The following RBFOX1 variants were observed in gnomAD, a reference collection of about 807,000 sequenced individuals.
RBFOX1 encodes RNA binding protein fox-1 homolog 1.
RBFOX1 carries 8 observed loss-of-function variants against 57.7 expected under a neutral mutation model. That is an observed-to-expected ratio of 0.14 (90% CI 0.08 to 0.25). RBFOX1 has a LOEUF of 0.25. RBFOX1 is among the 10% of genes least tolerant of loss of function. RBFOX1 has a pLI of 1.00. For synonymous variants in RBFOX1, 326 were observed against 222.4 expected (o/e 1.47, Z -4.15); for missense variants, 611 against 548.5 (o/e 1.11, Z -1.14).
intron 3 of RBFOX1, among the ~76,000 whole-genome samples, chr16:6,912,926 T>G (rs2072076140): frequency 6.6e-6 from 1 of 152,050 alleles, no homozygotes; most frequent in East Asian, 1.9e-4. Flanking sequence ...AGCCTAGAGC[T>G]CCTTGTTTTT....
rs75791535 is a variant in RBFOX1, at chr16:7,382,623, G to C, written c.28-135524G>C. ...GACTGATTAATGCGCAAGATGGCAAGAACAGTGTTTTTCATAGTTAAAAGG... is the reference window on the plus strand; with the variant it reads ...GACTGATTAATGCGCAAGATGGCAACAACAGTGTTTTTCATAGTTAAAAGG... On this transcript the variant is annotated intron_variant, in intron 4 of 15. Transcript: ENST00000550418. 4.5e-3 allele frequency among the ~76,000 whole-genome samples: 688 copies of C among 152,286 alleles called. 1 individual carries two copies. Among genetic ancestry groups the C allele is most frequent in the African/African-American group, 0.016 (661 of 41,546 alleles).
chr16:6,450,962 A>G (rs1017466405), intron 2 of RBFOX1, among the ~76,000 whole-genome samples: 3 of 145,764 alleles, frequency 2.1e-5, no homozygotes, highest in Non-Finnish European at 3.0e-5. Context: ...GATAGCATCA[A>G]TGAGAAAAAT....
At chr16:6,660,632 A>C (rs1165670320) in intron 3 of RBFOX1, among the ~76,000 whole-genome samples, 1 of 152,142 alleles carries the variant, frequency 6.6e-6, no homozygotes, top group Non-Finnish European at 1.5e-5. Context: ...ATATATCTTC[A>C]TCTGCTTATC....
intron 1 of RBFOX1, among the ~76,000 whole-genome samples, chr16:6,192,338 C>T (rs1424024844): frequency 6.6e-6 from 1 of 152,048 alleles, no homozygotes; most frequent in Admixed American, 6.5e-5. Context: ...TAGAGATGGG[C>T]TTGGCATTTT....
intron 3 of RBFOX1, among the ~76,000 whole-genome samples, chr16:6,817,429 C>T (rs1011160429): frequency 5.0e-4 from 76 of 151,498 alleles, no homozygotes; most frequent in African/African-American, 1.7e-3. Context: ...CGCAGTGGCT[C>T]ATGCCTGTAA....
chr16:6,775,750 G>A (rs1313046711), intron 3 of RBFOX1: 5 of 152,128 alleles, frequency 3.3e-5, no homozygotes, highest in Non-Finnish European at 7.3e-5. Context: ...CCAGCAAACG[G>A]GTGACAGTGA....
At chr16:5,576,721 C>A (rs1054842878) in intron 2 of RBFOX1, among the ~76,000 whole-genome samples, 1 of 152,186 alleles carries the variant, frequency 6.6e-6, no homozygotes, top group Non-Finnish European at 1.5e-5. Flanking sequence ...TCATCAAAGC[C>A]CATTTCTTAA....
At chr16:5,440,362 C>A (rs1400440716) in intron 1 of RBFOX1, among the ~76,000 whole-genome samples, 1 of 152,202 alleles carries the variant, frequency 6.6e-6, no homozygotes, top group African/African-American at 2.4e-5. Context: ...GAAAGAATTT[C>A]TGCCAAGTAT....
At chr16:6,763,858 T>C (rs2076967972) in intron 3 of RBFOX1, among the ~76,000 whole-genome samples, 2 of 152,338 alleles carry the variant, frequency 1.3e-5, no homozygotes, top group African/African-American at 4.8e-5. Flanking sequence ...GTAATTCCTC[T>C]ATTTCATTTG....
chr16:6,570,750 A>G (rs1292804934), intron 2 of RBFOX1, among the ~76,000 whole-genome samples: 1 of 152,182 alleles, frequency 6.6e-6, no homozygotes, highest in Non-Finnish European at 1.5e-5. Context: ...TTTATGTGCC[A>G]TGTGGCATTT....
chr16:6,226,856 T>C (rs567032069), intron 1 of RBFOX1, among the ~76,000 whole-genome samples: 86 of 151,132 alleles, frequency 5.7e-4, no homozygotes, highest in African/African-American at 2.0e-3. Context: ...ACACCTGTAA[T>C]CTCAGCAGTT....
At chr16:7,278,473 T>C (rs914273350) in intron 4 of RBFOX1, among the ~76,000 whole-genome samples, 3 of 152,214 alleles carry the variant, frequency 2.0e-5, no homozygotes, top group African/African-American at 7.2e-5. Flanking sequence ...ATATTTACTT[T>C]CATCATACAG....
rs534115645 is a variant in RBFOX1, at chr16:6,712,087, A to T, written c.-16+57437A>T. Among the ~76,000 whole-genome samples, 4 of 152,144 alleles carry T rather than the reference A, an allele frequency of 2.6e-5. No homozygotes were observed. The South Asian group carries it at 8.3e-4, about 32-fold the overall frequency. On this transcript the variant is annotated intron_variant, in intron 3 of 15. Transcript: ENST00000550418. Reference sequence around the variant, plus strand: ...TTTCTGTGTGGTGTTACATTCCTCTACCTAGAACAGACTTATTAGAGAGGC... The same window carrying T: ...TTTCTGTGTGGTGTTACATTCCTCTTCCTAGAACAGACTTATTAGAGAGGC...
intron 1 of RBFOX1, among the ~76,000 whole-genome samples, chr16:5,282,968 A>C (rs1232613391): frequency 3.3e-5 from 5 of 152,306 alleles, no homozygotes; most frequent in Non-Finnish European, 5.9e-5. Context: ...CCAGAGGCCT[A>C]GGAAGAAAAG....
intron 4 of RBFOX1, among the ~76,000 whole-genome samples, chr16:7,362,204 T>C (rs2097338243): frequency 6.6e-6 from 1 of 151,718 alleles, no homozygotes; most frequent in Non-Finnish European, 1.5e-5. Context: ...TGTATGATTG[T>C]GTTTGTTTTT....
chr16:7,683,033 T>TATAA (rs374375329), intron 14 of RBFOX1, among the ~76,000 whole-genome samples: 3 of 25,828 alleles, frequency 1.2e-4, no homozygotes, highest in African/African-American at 2.3e-4. Context: ...TATATATATA[T>TATAA]AAAACAGTGC....
intron 3 of RBFOX1, among the ~76,000 whole-genome samples, chr16:5,641,663 G>T (rs571292686): frequency 2.0e-5 from 3 of 152,300 alleles, no homozygotes; most frequent in African/African-American, 7.2e-5. Flanking sequence ...GTATGCTTGG[G>T]CAGTGAGCTC....
intron 4 of RBFOX1, among the ~76,000 whole-genome samples, chr16:7,081,430 T>G (rs1346839679): frequency 6.6e-6 from 1 of 152,188 alleles, no homozygotes; most frequent in Admixed American, 6.5e-5. Context: ...TATTATAACT[T>G]GGCCACTCCT....
chr16:7,106,802 G>C (rs866986174), intron 4 of RBFOX1, among the ~76,000 whole-genome samples: 1 of 151,532 alleles, frequency 6.6e-6, no homozygotes, highest in Non-Finnish European at 1.5e-5. Context: ...TGCCCTAAAA[G>C]GTGTCTGCTG....
Sources: allele counts gnomAD v4.1 joint callset (sites outside exome capture counted in the v4.1 genomes callset), GRCh38; gene constraint gnomAD v4.1.1; transcripts MANE v1.5; gene names NCBI Gene and HGNC (gene_info 2026-07-23, HGNC 2026-07-21).